The following INSR variants were observed in gnomAD, a reference collection of about 807,000 sequenced individuals.
INSR encodes IR.
Under a neutral mutation model 142.6 loss-of-function variants are expected in INSR, and 67 were observed. That is an observed-to-expected ratio of 0.47 (90% CI 0.39 to 0.58). INSR has a LOEUF of 0.58. Among genes scored for constraint, INSR ranks in the 20% least tolerant of loss-of-function variants. The pLI is 0.00. For synonymous variants in INSR, 756 were observed against 743.1 expected, an observed-to-expected ratio of 1.02 and a Z score of -0.28; for missense variants, 1,248 against 1,833.2, an observed-to-expected ratio of 0.68 and a Z score of 5.83.
Position 7,116,754 on chromosome 19 carries a change from T to A in INSR, c.*302A>T. On this transcript the variant is annotated 3_prime_UTR_variant, in exon 22 of 22. Coordinates refer to ENST00000302850, the MANE Select transcript of INSR (RefSeq NM_000208.4). Reference sequence around the variant, plus strand: ...TAAAAACAGGTGCTTTCTTTCCATCTGCTGGGGGCGGGTGGGGGGAACGAA... The same window carrying A: ...TAAAAACAGGTGCTTTCTTTCCATCAGCTGGGGGCGGGTGGGGGGAACGAA... 4.8e-6 allele frequency: 1 copy of A among 206,624 alleles called. No homozygotes were observed. Among genetic ancestry groups the A allele is most frequent in the Non-Finnish European group, 9.1e-6 (1 of 110,324 alleles). 12.8% of individuals were successfully genotyped at this position (206,624 alleles called of 1,614,324 possible).
chr19:7,185,293 A>T (rs1346362920), intron 2 of INSR, among the ~76,000 whole-genome samples: 1 of 152,230 alleles, frequency 6.6e-6, no homozygotes, highest in African/African-American at 2.4e-5. Context: ...CACTGGCTCC[A>T]GCAAGCCAAC....
At chr19:7,260,880 C>CTT (rs10628444) in intron 2 of INSR, among the ~76,000 whole-genome samples, 24,714 of 144,328 alleles carry the variant, frequency 0.17, 2,890 homozygotes, top group African/African-American at 0.33. Flanking sequence ...CAAAGAACTT[C>CTT]TTTTTTTTTT....
chr19:7,151,938 A>G (rs1023045807), intron 10 of INSR: 1 of 149,786 alleles, frequency 6.7e-6, no homozygotes, highest in Non-Finnish European at 1.5e-5. Context: ...GAGTTCAGAC[A>G]TGCATTACCA....
Position 7,117,013 on chromosome 19 carries a change from C to A in INSR, c.*43G>T, listed in dbSNP as rs374974617. The A allele has an allele frequency of 4.0e-6, 6 of 1,498,736 alleles. No homozygotes were observed. The highest frequency in any genetic ancestry group is 3.7e-6 in the Non-Finnish European group (4 of 1,075,118). The allele number at this position is 1,498,736 out of a possible 1,614,324, so 92.8% of individuals were successfully genotyped here. On this transcript the variant is annotated 3_prime_UTR_variant, in exon 22 of 22. Coordinates refer to ENST00000302850, the MANE Select transcript of INSR (RefSeq NM_000208.4). Reference sequence around the variant, plus strand: ...CAGAGGCTTTCAAACCAGAGGAAAGCGAAAATGGGAACCCCTGCCCGCCCC... The same window carrying A: ...CAGAGGCTTTCAAACCAGAGGAAAGAGAAAATGGGAACCCCTGCCCGCCCC...
chr19:7,217,598 T>C (rs1975475010), intron 2 of INSR, among the ~76,000 whole-genome samples: 1 of 152,206 alleles, frequency 6.6e-6, no homozygotes, highest in Non-Finnish European at 1.5e-5. Flanking sequence ...TCGCTCTGTC[T>C]GCCAGGCTGG....
intron 1 of INSR, among the ~76,000 whole-genome samples, chr19:7,290,322 C>A (rs895348143): frequency 1.3e-4 from 20 of 152,156 alleles, no homozygotes; most frequent in African/African-American, 4.8e-4. Context: ...AGGAGGATGG[C>A]TTGCGTCCAG....
Position 7,159,190 on chromosome 19 carries a change from C to T in INSR, c.2029+3842G>A, listed in dbSNP as rs1208872655. Among the ~76,000 whole-genome samples, 1 of 152,152 alleles carries T rather than the reference C, an allele frequency of 6.6e-6. No homozygotes were observed. The highest frequency in any genetic ancestry group is 2.4e-5 in the African/African-American group (1 of 41,416). On this transcript the variant is annotated intron_variant, in intron 9 of 21. Transcript: ENST00000302850. The surrounding 1 kb of genome is among the most constrained non-coding windows in gnomAD (Gnocchi z 4.3). The stretch of plus-strand genomic sequence containing the variant: ...AGTGTGCTGGGATTACAGGCGTGAG[C>T]CACTGTGCCCGGTAAATCTCAACCA...
In INSR at chr19:7,159,806, C is replaced by T. The variant is rs753006797; in HGVS notation, c.2029+3226G>A. ...CCCCTTCTCCCAAAAAGGAGGCAGA[C>T]GGTGACTTGCTTGGGAACTTAGCCA... is the stretch of plus-strand genomic sequence containing the variant. On this transcript the variant is annotated intron_variant, in intron 9 of 21. Transcript: ENST00000302850. The surrounding 1 kb of genome is among the most constrained non-coding windows in gnomAD (Gnocchi z 4.3). 3.7e-4 allele frequency among the ~76,000 whole-genome samples: 57 copies of T among 152,286 alleles called. No homozygotes were observed. Among genetic ancestry groups the T allele is most frequent in the South Asian group, 4.1e-4 (2 of 4,826 alleles).
intron 19 of INSR, among the ~76,000 whole-genome samples, chr19:7,120,990 C>T (rs1972477095): frequency 6.6e-6 from 1 of 151,904 alleles, no homozygotes; most frequent in Admixed American, 6.6e-5. Context: ...CACAAAGAAG[C>T]TACATTTTTC....
At chr19:7,141,088 G>C (rs2144857058) in intron 13 of INSR, among the ~76,000 whole-genome samples, 1 of 152,270 alleles carries the variant, frequency 6.6e-6, no homozygotes, top group African/African-American at 2.4e-5. Context: ...TGTCACCCAG[G>C]CTGGAGCGCA....
At chr19:7,270,345 A>ACACACACG (rs1967882534) in intron 1 of INSR, among the ~76,000 whole-genome samples, 1 of 126,062 alleles carries the variant, frequency 7.9e-6, no homozygotes, top group Non-Finnish European at 1.8e-5. Flanking sequence ...TCTCTCACAC[A>ACACACACG]CACACACACA....
chr19:7,136,739 C>T (rs1185400605), intron 13 of INSR, among the ~76,000 whole-genome samples: 1 of 151,892 alleles, frequency 6.6e-6, no homozygotes, highest in Non-Finnish European at 1.5e-5. Flanking sequence ...TTCATAGACA[C>T]ATTTCTGTTA....
At chr19:7,230,097 C>A (rs1276931446) in intron 2 of INSR, among the ~76,000 whole-genome samples, 1 of 152,046 alleles carries the variant, frequency 6.6e-6, no homozygotes, top group Non-Finnish European at 1.5e-5. Flanking sequence ...CGGCTCAGAA[C>A]TTTTATCCAT....
intron 8 of INSR, among the ~76,000 whole-genome samples, chr19:7,163,948 A>AAAAAAAAAAAAAAAAAT (rs1411048837): frequency 2.3e-4 from 31 of 136,100 alleles, no homozygotes; most frequent in African/African-American, 2.5e-4. Context: ...AAAAAAAAAA[A>AAAAAAAAAAAAAAAAAT]ATTAGCTGGA....
intron 2 of INSR, among the ~76,000 whole-genome samples, chr19:7,233,112 G>A (rs558157638): frequency 4.6e-5 from 7 of 152,160 alleles, no homozygotes; most frequent in African/African-American, 1.4e-4. Context: ...TCCTGCCTCA[G>A]CCTCCTGAGT....
At chr19:7,232,283 C>A (rs10403764) in intron 2 of INSR, among the ~76,000 whole-genome samples, 105,559 of 151,848 alleles carry the variant, frequency 0.7, 37,077 homozygotes, top group East Asian at 0.81. Context: ...CTGATCTTGG[C>A]TCACTGCAAC....
intron 13 of INSR, among the ~76,000 whole-genome samples, chr19:7,140,592 A>G (rs1973044552): frequency 6.6e-6 from 1 of 152,050 alleles, no homozygotes; most frequent in African/African-American, 2.4e-5. Context: ...AAGCCTCAGT[A>G]CCCAGCTCAC....
chr19:7,177,601 C>G (rs1599949748), intron 3 of INSR, among the ~76,000 whole-genome samples: 2 of 151,878 alleles, frequency 1.3e-5, no homozygotes, highest in East Asian at 3.9e-4. Flanking sequence ...GATCTCGGCT[C>G]ACTGCAAGCT....
chr19:7,218,492 T>A (rs1943489818), intron 2 of INSR, among the ~76,000 whole-genome samples: 1 of 152,038 alleles, frequency 6.6e-6, no homozygotes, highest in South Asian at 2.1e-4. Flanking sequence ...TTGTTTTTTG[T>A]TTTGTTGGTT....
Sources: gnomAD v4.1 joint callset for allele counts (sites outside exome capture counted in the v4.1 genomes callset) on GRCh38, gnomAD v4.1.1 for gene constraint, Gnocchi (gnomAD v3.1) non-coding constraint, MANE v1.5 for transcripts, NCBI Gene and HGNC (gene_info 2026-07-23, HGNC 2026-07-21) for gene names.